Variants in SLC2A13 observed in about 807,000 individuals in gnomAD.
The protein encoded by SLC2A13 is solute carrier family 2 member 13, also known as proton myo-inositol cotransporter.
A neutral mutation model predicts 64.4 loss-of-function variants in SLC2A13; 32 were observed. The observed-to-expected ratio is 0.50, with a 90% CI of 0.37 to 0.67. The LOEUF (loss-of-function observed/expected upper bound fraction) is 0.67. Ranked by LOEUF, SLC2A13 falls within the 30% of genes least tolerant of loss-of-function variation. SLC2A13 has a pLI of 0.00. For synonymous variants in SLC2A13, 338 were observed against 327.1 expected (o/e 1.03, Z -0.36); for missense variants, 743 against 829.2 (o/e 0.90, Z 1.28).
intron 4 of SLC2A13, among the ~76,000 whole-genome samples, chr12:39,926,599 A>C (rs1945734136): frequency 6.6e-6 from 1 of 152,084 alleles, no homozygotes; most frequent in African/African-American, 2.4e-5. Context: ...TTACAAACCA[A>C]ATACAGTTCT....
Position 39,760,136 on chromosome 12 carries a change from G to A in SLC2A13, c.1837C>T (p.Leu613=). The A allele has an allele frequency of 1.2e-6, 2 of 1,612,902 alleles. No individual in the cohort carries two copies. The highest frequency in any genetic ancestry group is 1.7e-6 in the Non-Finnish European group (2 of 1,179,350). ...EEIESLFDNR[L]CTCGTSDSDE... ...GAATCTGAAGTGCCACATGTACATA[G>A]CCTGTTGTCAAAGAGTGATTCAATT... Residue 613 remains leucine, a synonymous_variant, in exon 10 of 10, where the codon CTA becomes TTA. Transcript: ENST00000280871.
chr12:39,967,178 G>A (rs1946534045), intron 3 of SLC2A13, among the ~76,000 whole-genome samples: 1 of 152,082 alleles, frequency 6.6e-6, no homozygotes, highest in African/African-American at 2.4e-5. Context: ...TCTTCCCACT[G>A]TACTGCAAAA....
chr12:40,021,773 A>G (rs1947723252), intron 3 of SLC2A13, among the ~76,000 whole-genome samples: 1 of 152,204 alleles, frequency 6.6e-6, no homozygotes, highest in African/African-American at 2.4e-5. Context: ...ACTACCAAAT[A>G]TATTAGAGAG....
At chr12:40,099,366 G>C (rs7302006) in intron 1 of SLC2A13, among the ~76,000 whole-genome samples, 15,958 of 152,230 alleles carry the variant, frequency 0.1, 923 homozygotes, top group East Asian at 0.16. Context: ...AAGGAGCCAA[G>C]TACAATATGA....
chr12:40,027,454 A>T (rs866088969), intron 3 of SLC2A13, among the ~76,000 whole-genome samples: 1 of 152,230 alleles, frequency 6.6e-6, no homozygotes, highest in Non-Finnish European at 1.5e-5. Context: ...CACAGAGACC[A>T]GCTTCTTCAG....
At chr12:40,024,766 T>C (rs1220680955) in intron 3 of SLC2A13, among the ~76,000 whole-genome samples, 2 of 152,188 alleles carry the variant, frequency 1.3e-5, no homozygotes, top group African/African-American at 4.8e-5. Context: ...GTACAGCATT[T>C]AGAAATAAAG....
At chr12:40,025,247 G>A (rs1947784518) in intron 3 of SLC2A13, among the ~76,000 whole-genome samples, 1 of 152,150 alleles carries the variant, frequency 6.6e-6, no homozygotes, top group Admixed American at 6.5e-5. Context: ...CTGCTGACAT[G>A]GCCAGAGCAA....
At chr12:39,824,556 A>G (rs1349289605) in intron 7 of SLC2A13, among the ~76,000 whole-genome samples, 5 of 152,192 alleles carry the variant, frequency 3.3e-5, no homozygotes, top group African/African-American at 1.2e-4. Flanking sequence ...TTGTAAGGGT[A>G]ACTTTGTTTA....
chr12:40,081,256 G>C (rs1006815048), intron 1 of SLC2A13, among the ~76,000 whole-genome samples: 7 of 152,154 alleles, frequency 4.6e-5, no homozygotes, highest in Non-Finnish European at 1.0e-4. Context: ...TTTCTAGTGA[G>C]GTTGGGGAAA....
intron 4 of SLC2A13, among the ~76,000 whole-genome samples, chr12:39,890,608 T>C (rs1944581583): frequency 6.6e-6 from 1 of 152,120 alleles, no homozygotes; most frequent in South Asian, 2.1e-4. Flanking sequence ...ATTTGTGGGA[T>C]TTTTTTCATT....
intron 2 of SLC2A13, among the ~76,000 whole-genome samples, chr12:40,039,787 T>G (rs978412335): frequency 6.6e-6 from 1 of 152,236 alleles, no homozygotes; most frequent in Non-Finnish European, 1.5e-5. Context: ...GGACATTTGT[T>G]GCAAGTGATG....
chr12:39,766,324 A>T (rs566625527), intron 7 of SLC2A13, among the ~76,000 whole-genome samples: 1 of 152,100 alleles, frequency 6.6e-6, no homozygotes, highest in Non-Finnish European at 1.5e-5. Context: ...TACATATAAA[A>T]GTTATGTTCC....
rs73272513 is a variant in SLC2A13, at chr12:39,761,832, C to T, written c.1721-1580G>A. ...TTCTAAACTACAAAATCTGTAACAG[C>T]AAACCCAGTTTGACTTTTAAATATA... On this transcript the variant is annotated intron_variant, in intron 9 of 9. Transcript: ENST00000280871. 7.5e-3 allele frequency among the ~76,000 whole-genome samples: 1,148 copies of T among 152,134 alleles called. 15 individuals carry two copies. The highest frequency in any genetic ancestry group is 0.025 in the African/African-American group (1,059 of 41,540).
chr12:39,885,801 A>G (rs755660263), intron 4 of SLC2A13, among the ~76,000 whole-genome samples: 9 of 152,138 alleles, frequency 5.9e-5, no homozygotes, highest in South Asian at 2.1e-4. Flanking sequence ...ATCGTTCCCA[A>G]TGCAAAATTC....
intron 1 of SLC2A13, among the ~76,000 whole-genome samples, chr12:40,067,359 G>A (rs956818498): frequency 6.6e-6 from 1 of 151,892 alleles, no homozygotes; most frequent in African/African-American, 2.4e-5. Context: ...GTGCCACCAC[G>A]CCTGGCTAAT....
At chr12:39,846,640 T>C (rs1007717360) in intron 6 of SLC2A13, among the ~76,000 whole-genome samples, 2 of 151,990 alleles carry the variant, frequency 1.3e-5, no homozygotes, top group Admixed American at 6.6e-5. Context: ...TTTGGAGAAA[T>C]GGGATTTTGC....
chr12:39,920,154 T>A (rs1945590741), intron 4 of SLC2A13, among the ~76,000 whole-genome samples: 1 of 152,112 alleles, frequency 6.6e-6, no homozygotes, highest in Non-Finnish European at 1.5e-5. Context: ...CAATTAAAAT[T>A]AAGCTTTTCC....
chr12:40,002,799 T>A (rs1490125846), intron 3 of SLC2A13, among the ~76,000 whole-genome samples: 2 of 151,906 alleles, frequency 1.3e-5, no homozygotes, highest in African/African-American at 4.8e-5. Flanking sequence ...GCCTAGCATG[T>A]ATGGGGCTCT....
intron 4 of SLC2A13, among the ~76,000 whole-genome samples, chr12:39,936,754 C>T (rs1168288060): frequency 6.6e-6 from 1 of 152,088 alleles, no homozygotes; most frequent in Non-Finnish European, 1.5e-5. Flanking sequence ...CCACATGCAT[C>T]ATTGAGAAGA....
Sources: allele counts gnomAD v4.1 joint callset (sites outside exome capture counted in the v4.1 genomes callset), GRCh38; gene constraint gnomAD v4.1.1; transcripts MANE v1.5; gene names NCBI Gene and HGNC (gene_info 2026-07-23, HGNC 2026-07-21).